NAV3: variants seen among roughly 807,000 people sequenced by gnomAD.
The protein encoded by NAV3 is pore membrane and/or filament interacting like protein 1.
A neutral mutation model predicts 244.7 loss-of-function variants in NAV3; 87 were observed. The observed-to-expected ratio is 0.36, with a 90% confidence interval of 0.30 to 0.42. The LOEUF (loss-of-function observed/expected upper bound fraction) is 0.42, where lower values mean the gene tolerates loss of function less well. Ranked by LOEUF, NAV3 falls within the 20% of genes least tolerant of loss-of-function variation. NAV3 has a pLI of 1.00. For synonymous variants in NAV3, 1,126 were observed against 1,042.2 expected (o/e 1.08, Z -1.55); for missense variants, 2,663 against 2,893.3 (o/e 0.92, Z 1.83).
chr12:78,030,814 T>C (rs17222073), intron 9 of NAV3, among the ~76,000 whole-genome samples: 1 of 152,050 alleles, frequency 6.6e-6, no homozygotes, highest in Non-Finnish European at 1.5e-5. Context: ...AGATCAGACA[T>C]GCATATTGTA....
chr12:78,032,624 ATTATATAAT>A (rs544075179), intron 9 of NAV3, among the ~76,000 whole-genome samples: 3 of 152,282 alleles, frequency 2.0e-5, no homozygotes, highest in African/African-American at 7.2e-5. Context: ...GGTGAAATGT[ATTATATAAT>A]TTCTGCCATT....
intron 2 of NAV3, among the ~76,000 whole-genome samples, chr12:77,588,376 C>T (rs999501522): frequency 3.9e-5 from 6 of 152,028 alleles, no homozygotes; most frequent in Non-Finnish European, 7.4e-5. Context: ...GCCTTGGCCT[C>T]CTAAAGTGCT....
intron 12 of NAV3, among the ~76,000 whole-genome samples, chr12:78,079,481 G>A (rs1230771282): frequency 6.6e-6 from 1 of 151,766 alleles, no homozygotes. Flanking sequence ...TTTTTTATTT[G>A]GTATTTGATA....
intron 2 of NAV3, among the ~76,000 whole-genome samples, chr12:77,816,134 A>G (rs544501259): frequency 2.0e-5 from 3 of 152,290 alleles, no homozygotes; most frequent in Admixed American, 2.0e-4. Context: ...CTCAAGGGAG[A>G]TAAACTTTAT....
intron 1 of NAV3, among the ~76,000 whole-genome samples, chr12:77,866,209 A>C (rs964464688): frequency 1.3e-5 from 2 of 152,240 alleles, no homozygotes; most frequent in African/African-American, 2.4e-5. Context: ...TAAAATATAA[A>C]TAGTGGTAGA....
intron 2 of NAV3, among the ~76,000 whole-genome samples, chr12:77,693,590 T>G (rs1407196711): frequency 2.6e-5 from 4 of 152,266 alleles, no homozygotes; most frequent in Admixed American, 6.5e-5. Flanking sequence ...TTATTACAGT[T>G]AGACTTTCAT....
At chr12:77,879,830 C>A (rs1882398607) in intron 1 of NAV3, among the ~76,000 whole-genome samples, 1 of 151,916 alleles carries the variant, frequency 6.6e-6, no homozygotes, top group South Asian at 2.1e-4. Flanking sequence ...AGTGTTATCT[C>A]ATGTTAAGCC....
At chr12:77,907,664 A>T (rs1018339691) in intron 1 of NAV3, among the ~76,000 whole-genome samples, 1 of 152,136 alleles carries the variant, frequency 6.6e-6, no homozygotes, top group African/African-American at 2.4e-5. Flanking sequence ...TATTGTATTT[A>T]TCTGTTTTAT....
chr12:77,853,830 TTCTC>T (rs1329284006), intron 1 of NAV3, among the ~76,000 whole-genome samples: 2 of 152,194 alleles, frequency 1.3e-5, no homozygotes, highest in East Asian at 1.9e-4. Context: ...GAGGTGAAAA[TTCTC>T]TCTCTGTTAG....
chr12:77,993,795 T>C (rs1871854073), intron 5 of NAV3, among the ~76,000 whole-genome samples: 1 of 152,162 alleles, frequency 6.6e-6, no homozygotes, highest in Admixed American at 6.5e-5. Flanking sequence ...ACCCCCATGT[T>C]GTTCTTGTTT....
At chr12:77,666,045 T>G (rs1873699284) in intron 2 of NAV3, among the ~76,000 whole-genome samples, 5 of 152,168 alleles carry the variant, frequency 3.3e-5, no homozygotes, top group Admixed American at 3.3e-4. Context: ...TTAATTAGTT[T>G]ATTATCTGTT....
intron 2 of NAV3, among the ~76,000 whole-genome samples, chr12:77,797,506 A>G (rs1048008714): frequency 6.7e-6 from 1 of 149,256 alleles, no homozygotes; most frequent in African/African-American, 2.5e-5. Flanking sequence ...TAAGTCTTAA[A>G]CGTAGAATCT....
intron 1 of NAV3, among the ~76,000 whole-genome samples, chr12:77,860,787 T>A (rs1879146253): frequency 6.6e-6 from 1 of 151,886 alleles, no homozygotes; most frequent in Non-Finnish European, 1.5e-5. Context: ...CAGTTTCTCA[T>A]ATGATTTTGA....
At chr12:77,948,841 C>A (rs1238235533) in intron 3 of NAV3, among the ~76,000 whole-genome samples, 1 of 151,480 alleles carries the variant, frequency 6.6e-6, no homozygotes, top group Non-Finnish European at 1.5e-5. Context: ...TGAAAAAAAT[C>A]TGTGATAGTT....
chr12:77,913,508 C>T (rs1312544674), intron 1 of NAV3, among the ~76,000 whole-genome samples: 1 of 152,058 alleles, frequency 6.6e-6, no homozygotes, highest in South Asian at 2.1e-4. Flanking sequence ...TCTCGATTCA[C>T]TGCAACCTCC....
chr12:77,593,257 T>A (rs1413776185), intron 2 of NAV3, among the ~76,000 whole-genome samples: 1 of 110,062 alleles, frequency 9.1e-6, no homozygotes, highest in East Asian at 3.0e-4. Flanking sequence ...GGTATATATA[T>A]GTATGAGTGT....
intron 12 of NAV3, among the ~76,000 whole-genome samples, chr12:78,096,714 C>G (rs1475894628): frequency 1.3e-5 from 2 of 152,120 alleles, no homozygotes; most frequent in Admixed American, 6.5e-5. Flanking sequence ...GCCACTGGGA[C>G]CCTCCCACAA....
chr12:77,647,273 T>A (rs1872643221), intron 2 of NAV3, among the ~76,000 whole-genome samples: 1 of 151,922 alleles, frequency 6.6e-6, no homozygotes, highest in Non-Finnish European at 1.5e-5. Context: ...CATAGAGGAG[T>A]AACATTTCTT....
chr12:77,588,363 C>G (rs1245467331), intron 2 of NAV3, among the ~76,000 whole-genome samples: 1 of 152,084 alleles, frequency 6.6e-6, no homozygotes, highest in Admixed American at 6.5e-5. Flanking sequence ...AAGTGATCAT[C>G]CTGCCTTGGC....
Sources: gnomAD v4.1 joint callset for allele counts (sites outside exome capture counted in the v4.1 genomes callset) on GRCh38, gnomAD v4.1.1 for gene constraint, MANE v1.5 for transcripts, NCBI Gene and HGNC (gene_info 2026-07-23, HGNC 2026-07-21) for gene names.